The following RDM1 variants were observed in gnomAD, a reference collection of about 807,000 sequenced individuals.
RDM1 encodes the protein RAD52 motif-containing protein 1.
In RDM1, 28 loss-of-function variants were observed where a neutral mutation model predicts 27.7. That is an observed-to-expected ratio of 1.01 (90% confidence interval 0.75 to 1.39). The LOEUF (loss-of-function observed/expected upper bound fraction) is 1.39. Ranked by LOEUF, RDM1 falls within the 40% of genes most tolerant of loss-of-function variation. RDM1 has a pLI of 0.00. For missense variants in RDM1, 277 were observed against 337.3 expected (o/e 0.82, Z 1.40); for synonymous variants, 124 against 127.5 (o/e 0.97, Z 0.19).
In RDM1 at chr17:35,930,690, C is replaced by T. The variant is rs73992632; in HGVS notation, c.38G>A (p.Ser13Asn). The change falls in exon 1 of 7, where the codon AGT becomes AAT. Residue 13 changes from serine (S) to asparagine (N), a missense_variant. Coordinates refer to ENST00000620284, the MANE Select transcript of RDM1 (RefSeq NM_145654.4). ...ELVPFAVPIE[S>N]DKTLLVWELS... ...CTCCCACACTAGCAAGGTTTTGTCA[C>T]TCTCGATGGGAACCGCAAAAGGTAC... The T allele has an allele frequency of 2.8e-4, 455 of 1,614,004 alleles. No homozygotes were observed. The African/African-American group carries it at 5.6e-3, about 20-fold the overall frequency.
At chr17:35,920,336 T>A (rs2088896761) in intron 5 of RDM1, 64 bp from the exon 6 acceptor site, 1 of 761,738 alleles carries the variant, frequency 1.3e-6, no homozygotes, top group East Asian at 2.6e-5. Flanking sequence ...CTGCATATAA[T>A]GGTAGCACCC....
At position 35,930,166 on chromosome 17, in the gene RDM1, A is replaced by G. The variant is rs747636183; in HGVS notation, c.186T>C (p.Tyr62=). 6 of 1,614,120 alleles carry G rather than the reference A, an allele frequency of 3.7e-6. No individual in the cohort carries two copies. The highest frequency in any genetic ancestry group is 5.1e-6 in the Non-Finnish European group (6 of 1,180,054). Residue 62 remains tyrosine (Y), a synonymous_variant, in exon 2 of 7, where the codon TAT becomes TAC. Transcript: ENST00000620284. ...TTGCAGAATAAAACTTAATGACGGC[A>G]TAGAAACCAGGATGGGCCACTGCAG... ...PNAAVAHPGF[Y]AVIKFYSARA...
chr17:35,925,424 C>G (rs2089109355), intron 3 of RDM1, 91 bp downstream of exon 3: 1 of 1,462,114 alleles, frequency 6.8e-7, no homozygotes, highest in Non-Finnish European at 9.4e-7. Context: ...CATCTCCTCC[C>G]TACAATCCAG....
At chr17:35,918,533 T>A (rs1227017771) in intron 6 of RDM1, 90 bp from the exon 7 acceptor site, 1 of 1,023,628 alleles carries the variant, frequency 9.8e-7, no homozygotes, top group African/African-American at 1.6e-5. Context: ...AAACTTTCCA[T>A]ATCCTTTGTT....
chr17:35,929,351 C>T (rs903168758), intron 2 of RDM1, among the ~76,000 whole-genome samples: 2 of 152,206 alleles, frequency 1.3e-5, no homozygotes, highest in Non-Finnish European at 2.9e-5. Flanking sequence ...TCCTCAAACT[C>T]CTGGGCTCAA....
chr17:35,925,467 A>G lies in RDM1; in HGVS notation c.399+48T>C, dbSNP rs139180535. On this transcript the variant is annotated intron_variant, in intron 3 of 6. Transcript: ENST00000620284. ...CTTCTGTCTAAAATCTAGGATTTCAATGTTGAAAGGAGAGTGTGGTAAGTG... is the reference window on the plus strand; with the variant it reads ...CTTCTGTCTAAAATCTAGGATTTCAGTGTTGAAAGGAGAGTGTGGTAAGTG... 920 of 1,601,436 alleles carry G rather than the reference A, an allele frequency of 5.7e-4. 3 individuals carry two copies. In the African/African-American group the frequency reaches 0.011, roughly 18 times the overall value.
rs2089278020 is a variant in RDM1, at chr17:35,930,129, T to C, written c.223A>G (p.Arg75Gly). 3.7e-6 allele frequency: 6 copies of C among 1,614,220 alleles called. No individual in the cohort carries two copies. The East Asian group carries it at 1.1e-4, about 30-fold the overall frequency. ...TTCCGGTCGCATGCCTTTTGGGCTC[T>C]GTGGGCAGCCCTTGCAGAATAAAAC... ...IKFYSARAAH[R>G]AQKACDRKQL... is the part of the protein sequence containing the mutation. Residue 75 changes from arginine (R) to glycine (G), a missense_variant, in exon 2 of 7, where the codon AGA (arginine) becomes GGA (glycine). Coordinates refer to ENST00000620284, the MANE Select transcript of RDM1 (RefSeq NM_145654.4).
intron 2 of RDM1, among the ~76,000 whole-genome samples, chr17:35,929,694 G>A (rs1442527994): frequency 1.3e-5 from 2 of 152,122 alleles, no homozygotes; most frequent in African/African-American, 4.8e-5. Flanking sequence ...AGCCCGCCTC[G>A]ATCTCCCAAA....
rs138443064 is a variant in RDM1, at chr17:35,918,397, T to A, written c.800A>T (p.Tyr267Phe). The A allele has an allele frequency of 2.5e-5, 40 of 1,613,992 alleles. No homozygotes were observed. Among genetic ancestry groups the A allele is most frequent in the Non-Finnish European group, 3.3e-5 (39 of 1,180,020 alleles). ...CTCCTCCAAGCTGAAATCCGAGAGA[T>A]ACCCTTCCTCCTCTTGGCCATACTG... ...WKQYGQEEEG[Y>F]LSDFSLEEEE... Residue 267 changes from tyrosine to phenylalanine, a missense_variant, in exon 7 of 7, where the codon TAT becomes TTT. Transcript: ENST00000620284.
intron 2 of RDM1, 149 bp downstream of exon 2, chr17:35,929,927 C>G: frequency 1.3e-6 from 1 of 777,946 alleles, no homozygotes; most frequent in South Asian, 1.8e-5. Flanking sequence ...GTTTGAGTTT[C>G]TTCATGTAAA....
At chr17:35,924,265 C>T (rs2089054659) in intron 4 of RDM1, among the ~76,000 whole-genome samples, 1 of 151,878 alleles carries the variant, frequency 6.6e-6, no homozygotes, top group Admixed American at 6.6e-5. Flanking sequence ...GATGGTTTTG[C>T]TGGGATAACC....
At position 35,930,372 on chromosome 17, in the gene RDM1, C is replaced by A. The variant is rs530886424; in HGVS notation, c.97-117G>T. ...AGGATGCGATTCAAAACACTTCCCA[C>A]TTAATCAACAGGTTTTCCTCTTAAA... On this transcript the variant is annotated intron_variant, in intron 1 of 6. Coordinates refer to ENST00000620284, the MANE Select transcript of RDM1 (RefSeq NM_145654.4). 69 of 1,346,086 alleles carry A rather than the reference C, an allele frequency of 5.1e-5. No individual in the cohort carries two copies. The South Asian group carries it at 8.2e-4, about 16-fold the overall frequency. 83.4% of individuals were successfully genotyped at this position (1,346,086 alleles called of 1,614,324 possible). A position where few individuals can be genotyped will look rare whatever the true frequency, so the allele number is the denominator to read the frequency against.
chr17:35,924,394 G>A (rs2141938815), intron 4 of RDM1, among the ~76,000 whole-genome samples: 1 of 152,200 alleles, frequency 6.6e-6, no homozygotes, highest in East Asian at 1.9e-4. Context: ...GAAGTCAGCT[G>A]TACGATTTTA....
At chr17:35,920,879 C>T (rs1364165924) in intron 5 of RDM1, among the ~76,000 whole-genome samples, 4 of 152,174 alleles carry the variant, frequency 2.6e-5, no homozygotes, top group Non-Finnish European at 5.9e-5. Context: ...CCAAAATGCT[C>T]AATCATAATA....
chr17:35,924,527 T>G, intron 4 of RDM1, 77 bp downstream of exon 4: 1 of 1,468,098 alleles, frequency 6.8e-7, no homozygotes, highest in Non-Finnish European at 9.2e-7. Flanking sequence ...AAAAGATGAG[T>G]TTTGGAAAGT....
At chr17:35,926,067 GA>G (rs1426233942) in intron 2 of RDM1, among the ~76,000 whole-genome samples, 3 of 151,760 alleles carry the variant, frequency 2.0e-5, no homozygotes, top group Non-Finnish European at 4.4e-5. Flanking sequence ...CTGGGAGGCA[GA>G]GGTTGCAGTG....
At chr17:35,924,901 C>T (rs1212371101) in intron 3 of RDM1, 129 bp from the exon 4 acceptor site, 13 of 756,702 alleles carry the variant, frequency 1.7e-5, no homozygotes, top group African/African-American at 5.3e-5. Context: ...TTTGGGAGGC[C>T]GAGGTGGGCG....
At position 35,925,514 on chromosome 17, in the gene RDM1, C is replaced by T; in HGVS notation, c.399+1G>A. ...AGTGAAAAAAAATCTACAAGGTTTA[C>T]CTTGATGATCCTTTTGGAACACCCA... is the stretch of plus-strand genomic sequence containing the variant. On this transcript the variant is annotated splice_donor_variant, in intron 3 of 6. Coordinates refer to ENST00000620284, the MANE Select transcript of RDM1 (RefSeq NM_145654.4). LOFTEE classifies it high-confidence loss of function. 4 of 1,612,768 alleles carry T rather than the reference C, an allele frequency of 2.5e-6. No individual in the cohort carries two copies. The highest frequency in any genetic ancestry group is 2.5e-6 in the Non-Finnish European group (3 of 1,179,934).
chr17:35,918,306 A>G lies in RDM1; in HGVS notation c.*36T>C, dbSNP rs1486428250. 1.3e-6 allele frequency: 2 copies of G among 1,566,208 alleles called. No individual in the cohort carries two copies. Among genetic ancestry groups the G allele is most frequent in the Admixed American group, 3.3e-5 (2 of 59,856 alleles). On this transcript the variant is annotated 3_prime_UTR_variant, in exon 7 of 7. Transcript: ENST00000620284. ...AGGGGCACGACAGAGCTTCCCAAGG[A>G]AGTTACATGACCTCGCCTTGGGATA...
Sources: gnomAD v4.1 joint callset for allele counts (sites outside exome capture counted in the v4.1 genomes callset) on GRCh38, gnomAD v4.1.1 for gene constraint, MANE v1.5 for transcripts, NCBI Gene and HGNC (gene_info 2026-07-23, HGNC 2026-07-21) for gene names.